CTTNBP2: variants seen among roughly 807,000 people sequenced by gnomAD.
The protein encoded by CTTNBP2 is cortactin binding protein 2, also known as cortactin-binding protein 2.
Under a neutral mutation model 156.9 loss-of-function variants are expected in CTTNBP2, and 108 were observed. The ratio of observed to expected loss-of-function variants is 0.69; its 90% CI spans 0.59 to 0.81. The LOEUF (loss-of-function observed/expected upper bound fraction) is 0.81. CTTNBP2 is among the 30% of genes least tolerant of loss of function. The probability of loss-of-function intolerance (pLI) is 0.00; values close to 1 mark genes in which losing one functional copy is unlikely to be tolerated. For missense variants in CTTNBP2, 1,924 were observed against 2,035.4 expected (o/e 0.95, Z 1.05); for synonymous variants, 767 against 751.8 (o/e 1.02, Z -0.33).
intron 2 of CTTNBP2, among the ~76,000 whole-genome samples, chr7:117,844,066 G>C (rs1206205208): frequency 6.6e-6 from 1 of 152,106 alleles, no homozygotes; most frequent in Admixed American, 6.5e-5. Context: ...GAGAGAGACA[G>C]GGACAGATAG....
At chr7:117,853,294 T>C (rs1803047660) in intron 2 of CTTNBP2, among the ~76,000 whole-genome samples, 1 of 152,216 alleles carries the variant, frequency 6.6e-6, no homozygotes, top group Non-Finnish European at 1.5e-5. Context: ...TTTCATTTTT[T>C]AGTTTACTTT....
chr7:117,810,919 A>T lies in CTTNBP2; in HGVS notation c.260T>A (p.Leu87His). 6.2e-7 allele frequency: 1 copy of T among 1,614,132 alleles called. No individual in the cohort carries two copies. Among genetic ancestry groups the T allele is most frequent in the Non-Finnish European group, 8.5e-7 (1 of 1,180,010 alleles). ...RFNLNDPFLA[L>H]QRDYEAGAGD... ...AGCACCTGCTTCATAGTCTCTCTGGAGTGCCAGGAACGGGTCATTTAGATT... is the reference window on the plus strand; with the variant it reads ...AGCACCTGCTTCATAGTCTCTCTGGTGTGCCAGGAACGGGTCATTTAGATT... Residue 87 changes from leucine to histidine, a missense_variant, in exon 3 of 23, where the codon CTC becomes CAC. Transcript: ENST00000160373.
chr7:117,811,186 C>T (rs2116969268), intron 2 of CTTNBP2, among the ~76,000 whole-genome samples, 197 bp from the exon 3 acceptor site: 1 of 152,268 alleles, frequency 6.6e-6, no homozygotes, highest in African/African-American at 2.4e-5. Flanking sequence ...CATCTGCTTT[C>T]AAATTTTCTT....
intron 20 of CTTNBP2, among the ~76,000 whole-genome samples, chr7:117,719,976 G>A (rs979810794): frequency 2.6e-5 from 4 of 152,150 alleles, no homozygotes; most frequent in Non-Finnish European, 4.4e-5. Context: ...GGACAAACAC[G>A]GATTTCAAAC....
At chr7:117,716,264 G>A (rs1411749980) in intron 22 of CTTNBP2, among the ~76,000 whole-genome samples, 1 of 150,502 alleles carries the variant, frequency 6.6e-6, no homozygotes, top group East Asian at 1.9e-4. Context: ...CCTTATTGTA[G>A]CAACTCAATA....
At chr7:117,737,417 G>A (rs1344481077) in intron 14 of CTTNBP2, among the ~76,000 whole-genome samples, 2 of 152,274 alleles carry the variant, frequency 1.3e-5, no homozygotes, top group African/African-American at 4.8e-5. Flanking sequence ...CAGTTTAAGT[G>A]GCTCTGAAGC....
chr7:117,787,883 C>T (rs73215969), intron 4 of CTTNBP2, among the ~76,000 whole-genome samples: 2,775 of 152,258 alleles, frequency 0.018, 32 homozygotes, highest in Non-Finnish European at 0.023. Context: ...TTGGAAAGAT[C>T]ATGGGCCAGT....
At chr7:117,795,608 T>G (rs1799272950) in intron 3 of CTTNBP2, among the ~76,000 whole-genome samples, 1 of 152,228 alleles carries the variant, frequency 6.6e-6, no homozygotes, top group South Asian at 2.1e-4. Flanking sequence ...TCACTGTATC[T>G]CACATCTTGT....
chr7:117,773,043 T>C (rs942621955), intron 8 of CTTNBP2, among the ~76,000 whole-genome samples: 4 of 152,214 alleles, frequency 2.6e-5, no homozygotes, highest in African/African-American at 7.2e-5. Context: ...GAAATAATCA[T>C]AGATAATCAA....
At chr7:117,747,031 A>G (rs1295610043) in intron 12 of CTTNBP2, among the ~76,000 whole-genome samples, 1 of 152,116 alleles carries the variant, frequency 6.6e-6, no homozygotes, top group Non-Finnish European at 1.5e-5. Context: ...CAGGGCTGAC[A>G]CCCCTGCACC....
At chr7:117,828,562 T>G (rs1801430622) in intron 2 of CTTNBP2, among the ~76,000 whole-genome samples, 1 of 152,238 alleles carries the variant, frequency 6.6e-6, no homozygotes, top group African/African-American at 2.4e-5. Context: ...ATGTATGAAC[T>G]GCTGTAAAAA....
At chr7:117,801,897 AT>A (rs901139819) in intron 3 of CTTNBP2, among the ~76,000 whole-genome samples, 15 of 150,946 alleles carry the variant, frequency 9.9e-5, no homozygotes, top group Middle Eastern at 3.4e-3. Context: ...AATGTTTTTT[AT>A]TTTTTTTATT....
At chr7:117,773,711 C>CCA (rs1797936402) in intron 8 of CTTNBP2, among the ~76,000 whole-genome samples, 2 of 115,482 alleles carry the variant, frequency 1.7e-5, no homozygotes, top group East Asian at 2.7e-4. Flanking sequence ...ACACACACCC[C>CCA]AAAAAACAAA....
chr7:117,807,347 A>G (rs1211057190), intron 3 of CTTNBP2, among the ~76,000 whole-genome samples: 1 of 152,240 alleles, frequency 6.6e-6, no homozygotes, highest in Non-Finnish European at 1.5e-5. Flanking sequence ...ATGAAAATAC[A>G]TTTATATATG....
rs567196717 is a variant in CTTNBP2 at position 117,872,009 on chromosome 7, A to G, written c.81+1326T>C. 3.5e-5 allele frequency: 34 copies of G among 968,240 alleles called. No homozygotes were observed. In the African/African-American group the frequency reaches 3.9e-4, roughly 11 times the overall value. The allele number at this position is 968,240 out of a possible 1,614,324, so 60.0% of individuals were successfully genotyped here. On this transcript the variant is annotated intron_variant, in intron 1 of 22. Coordinates refer to ENST00000160373, the MANE Select transcript of CTTNBP2 (RefSeq NM_033427.3). Reference sequence around the variant, plus strand: ...GCCCCACAGAGGGGAGCTGATTCACATAAGTGGGCAGGTTTCGTTTGAAAT... The same window carrying G: ...GCCCCACAGAGGGGAGCTGATTCACGTAAGTGGGCAGGTTTCGTTTGAAAT...
At chr7:117,836,113 C>T (rs1294772375) in intron 2 of CTTNBP2, among the ~76,000 whole-genome samples, 1 of 152,144 alleles carries the variant, frequency 6.6e-6, no homozygotes, top group Non-Finnish European at 1.5e-5. Flanking sequence ...AGCTGGAGGA[C>T]TGGACAGGGG....
In CTTNBP2 at chr7:117,797,264, C is replaced by T. The variant is rs191077451; in HGVS notation, c.415-4483G>A. Among the ~76,000 whole-genome samples, 12 of 152,330 alleles carry T rather than the reference C, an allele frequency of 7.9e-5. No homozygotes were observed. The East Asian group carries it at 2.3e-3, about 29-fold the overall frequency. ...GGTGGCTGCTGAATGTCTGACAGAG[C>T]TGAGCAAAGACCTCAGATGCTGCCA... On this transcript the variant is annotated intron_variant, in intron 3 of 22. Transcript: ENST00000160373.
chr7:117,751,531 T>C (rs1562972563), intron 12 of CTTNBP2, among the ~76,000 whole-genome samples: 2 of 152,334 alleles, frequency 1.3e-5, no homozygotes, highest in African/African-American at 2.4e-5. Flanking sequence ...TTACGGTCTA[T>C]TCATTAACAT....
chr7:117,869,666 C>A (rs1000472975), intron 1 of CTTNBP2, among the ~76,000 whole-genome samples: 35 of 152,146 alleles, frequency 2.3e-4, no homozygotes, highest in African/African-American at 8.4e-4. Context: ...TGGATTCAAT[C>A]ACTGAGAGGA....
Sources: allele counts gnomAD v4.1 joint callset (sites outside exome capture counted in the v4.1 genomes callset), GRCh38; gene constraint gnomAD v4.1.1; transcripts MANE v1.5; gene names NCBI Gene and HGNC (gene_info 2026-07-23, HGNC 2026-07-21).